Variants in SPACA7 observed in about 807,000 individuals in gnomAD.
The protein encoded by SPACA7 is sperm acrosome-associated protein 7.
Under a neutral mutation model 26.3 loss-of-function variants are expected in SPACA7, and 19 were observed. The observed-to-expected ratio is 0.72, with a 90% CI of 0.50 to 1.06. The LOEUF (loss-of-function observed/expected upper bound fraction) is 1.06, where lower values mean the gene tolerates loss of function less well. Among genes scored for constraint, SPACA7 ranks in the 50% least tolerant of loss-of-function variants. SPACA7 has a pLI of 0.00. For synonymous variants in SPACA7, 84 were observed against 84.5 expected (o/e 0.99, Z 0.04); for missense variants, 211 against 229.9 (o/e 0.92, Z 0.53).
At chr13:112,380,232 T>G (rs1410484993) in intron 1 of SPACA7, among the ~76,000 whole-genome samples, 1 of 152,000 alleles carries the variant, frequency 6.6e-6, no homozygotes, top group African/African-American at 2.4e-5. Context: ...CTGACCAACA[T>G]GGTGAAACCC....
chr13:112,424,529 T>A (rs1876338714), intron 5 of SPACA7, among the ~76,000 whole-genome samples: 2 of 152,122 alleles, frequency 1.3e-5, no homozygotes, highest in Non-Finnish European at 2.9e-5. Context: ...TTGGTGCTTT[T>A]CATTAAAAGA....
At chr13:112,401,370 G>T (rs1471662122) in intron 5 of SPACA7, among the ~76,000 whole-genome samples, 1 of 152,166 alleles carries the variant, frequency 6.6e-6, no homozygotes, top group Non-Finnish European at 1.5e-5. Flanking sequence ...ATATGTTTAA[G>T]GGCCATTTTT....
chr13:112,432,979 T>C lies in SPACA7; in HGVS notation c.523+458T>C, dbSNP rs369147349. On this transcript the variant is annotated intron_variant, in intron 6 of 6. Transcript: ENST00000283550. ...TTCTCCACTCCCTGTTCACACAGCT[T>C]CACCACTGTCCGCCTGCTAAGAGTT... Among the ~76,000 whole-genome samples the C allele has an allele frequency of 1.5e-3, 229 of 152,006 alleles. 3 individuals carry two copies. The highest frequency in any genetic ancestry group is 3.6e-3 in the Admixed American group (55 of 15,266).
chr13:112,428,867 T>C (rs570297716), intron 5 of SPACA7, among the ~76,000 whole-genome samples: 1 of 152,346 alleles, frequency 6.6e-6, no homozygotes, highest in Non-Finnish European at 1.5e-5. Flanking sequence ...TCAAGTATGC[T>C]AAGTAGACTT....
At position 112,383,329 on chromosome 13, in the gene SPACA7, A is replaced by T. The variant is rs537886232; in HGVS notation, c.94+6850A>T. ...CAAAAAAACCTTAAGAAGCACTAAC[A>T]GCAATGTACTATAGGTTTTTTGGAA... On this transcript the variant is annotated intron_variant, in intron 1 of 6. Transcript: ENST00000283550. 2.0e-5 allele frequency among the ~76,000 whole-genome samples: 3 copies of T among 152,280 alleles called. No homozygotes were observed. The East Asian group carries it at 5.8e-4, about 29-fold the overall frequency.
chr13:112,400,234 AG>A (rs1328858345), intron 4 of SPACA7, among the ~76,000 whole-genome samples: 4 of 152,188 alleles, frequency 2.6e-5, no homozygotes, highest in Non-Finnish European at 4.4e-5. Context: ...TACCCCAAAG[AG>A]TCCCCCCAAT....
chr13:112,391,034 G>A (rs1281904527), intron 1 of SPACA7, among the ~76,000 whole-genome samples: 2 of 152,194 alleles, frequency 1.3e-5, no homozygotes, highest in East Asian at 3.8e-4. Context: ...AGACTTGGAT[G>A]ATTGGCTCAA....
chr13:112,398,119 A>C lies in SPACA7; in HGVS notation c.222A>C (p.Ser74=), dbSNP rs200600447. ...TTPSEMPSTA[S]TLSTPLHAGI... Reference sequence around the variant, plus strand: ...CGAGCGAAATGCCAAGTACAGCATCAACATTATCAACACCGTTACGTAAGG... The same window carrying C: ...CGAGCGAAATGCCAAGTACAGCATCCACATTATCAACACCGTTACGTAAGG... Residue 74 remains serine (S), a synonymous_variant, in exon 3 of 7, where the codon TCA becomes TCC. Coordinates refer to ENST00000283550, the MANE Select transcript of SPACA7 (RefSeq NM_145248.5). The C allele has an allele frequency of 2.5e-5, 41 of 1,613,648 alleles. No individual in the cohort carries two copies. The highest frequency in any genetic ancestry group is 8.0e-5 in the African/African-American group (6 of 75,022).
At chr13:112,420,916 G>A (rs2139044138) in intron 5 of SPACA7, among the ~76,000 whole-genome samples, 1 of 152,148 alleles carries the variant, frequency 6.6e-6, no homozygotes, top group South Asian at 2.1e-4. Flanking sequence ...AGAGGACAGT[G>A]GAATGACATC....
chr13:112,378,510 C>CTGGAGCT (rs1160984094), intron 1 of SPACA7: 1 of 341,848 alleles, frequency 2.9e-6, no homozygotes, highest in Non-Finnish European at 5.9e-6. Context: ...GTTTTCTCTG[C>CTGGAGCT]TGGAGCTTTT....
At chr13:112,404,826 A>G (rs1199765475) in intron 5 of SPACA7, among the ~76,000 whole-genome samples, 1 of 152,110 alleles carries the variant, frequency 6.6e-6, no homozygotes, top group Non-Finnish European at 1.5e-5. Flanking sequence ...ATAGCCTTAT[A>G]GTATAGTTTA....
At chr13:112,410,360 T>G (rs1016117338) in intron 5 of SPACA7, among the ~76,000 whole-genome samples, 1 of 151,400 alleles carries the variant, frequency 6.6e-6, no homozygotes, top group Non-Finnish European at 1.5e-5. Flanking sequence ...GAACTTAAAG[T>G]ACAATTAAAA....
chr13:112,401,595 C>T (rs1189491257), intron 5 of SPACA7, among the ~76,000 whole-genome samples: 2 of 152,080 alleles, frequency 1.3e-5, no homozygotes, highest in Non-Finnish European at 2.9e-5. Flanking sequence ...CAAAAAAAGT[C>T]AATTTTTGTG....
At chr13:112,427,610 A>T (rs918276243) in intron 5 of SPACA7, among the ~76,000 whole-genome samples, 9 of 152,224 alleles carry the variant, frequency 5.9e-5, no homozygotes, top group African/African-American at 2.2e-4. Flanking sequence ...AGATACATTC[A>T]TATGAAATGA....
At chr13:112,433,831 T>C (rs2139098426) in intron 6 of SPACA7, among the ~76,000 whole-genome samples, 1 of 152,232 alleles carries the variant, frequency 6.6e-6, no homozygotes, top group African/African-American at 2.4e-5. Context: ...GAGCGGTCGT[T>C]CAAGCTACGG....
At chr13:112,383,175 AAGAAAGAAAGAAAG>A (rs1884299337) in intron 1 of SPACA7, among the ~76,000 whole-genome samples, 1 of 140,408 alleles carries the variant, frequency 7.1e-6, no homozygotes, top group African/African-American at 2.8e-5. Flanking sequence ...GAAAGAAAGA[AAGAAAGAAAGAAAG>A]AAAGAAAAGA....
intron 1 of SPACA7, among the ~76,000 whole-genome samples, chr13:112,381,791 G>A (rs1884086032): frequency 6.6e-6 from 1 of 152,240 alleles, no homozygotes; most frequent in Non-Finnish European, 1.5e-5. Context: ...TTTTTGCACT[G>A]AGTCAGTTCC....
Position 112,383,824 on chromosome 13 carries a change from A to T in SPACA7, c.94+7345A>T, listed in dbSNP as rs1884362610. 2.6e-5 allele frequency among the ~76,000 whole-genome samples: 4 copies of T among 152,258 alleles called. 1 individual carries two copies. In the South Asian group the frequency reaches 8.3e-4, roughly 31 times the overall value. ...TGCCAGTCCAGTTAAAGCCTTGGTAAAATGACCAATTTCTCCAATTTTGTC... is the reference window on the plus strand; with the variant it reads ...TGCCAGTCCAGTTAAAGCCTTGGTATAATGACCAATTTCTCCAATTTTGTC... On this transcript the variant is annotated intron_variant, in intron 1 of 6. Coordinates refer to ENST00000283550, the MANE Select transcript of SPACA7 (RefSeq NM_145248.5).
chr13:112,399,366 T>G (rs1490497199), intron 4 of SPACA7, among the ~76,000 whole-genome samples, 193 bp downstream of exon 4: 1 of 152,232 alleles, frequency 6.6e-6, no homozygotes, highest in Non-Finnish European at 1.5e-5. Context: ...CCTCACCCCC[T>G]GCTGTGGGGC....
Sources: allele counts gnomAD v4.1 joint callset (sites outside exome capture counted in the v4.1 genomes callset), GRCh38; gene constraint gnomAD v4.1.1; transcripts MANE v1.5; gene names NCBI Gene and HGNC (gene_info 2026-07-23, HGNC 2026-07-21).